Variants in EPHA5 observed in about 807,000 individuals in gnomAD.
EPHA5 encodes ephrin type-A receptor 5.
A neutral mutation model predicts 105.0 loss-of-function variants in EPHA5; 60 were observed. The observed-to-expected ratio is 0.57, with a 90% CI of 0.46 to 0.71. The LOEUF (loss-of-function observed/expected upper bound fraction) is 0.71, where lower values mean the gene tolerates loss of function less well. Ranked by LOEUF, EPHA5 falls within the 30% of genes least tolerant of loss-of-function variation. The pLI, the probability that EPHA5 is intolerant of heterozygous loss-of-function variation, is 0.00. For missense variants in EPHA5, 1,218 were observed against 1,274.7 expected (o/e 0.96, Z 0.68); for synonymous variants, 513 against 449.1 (o/e 1.14, Z -1.80).
Position 65,324,210 on chromosome 4 carries a change from T to C in EPHA5, c.2955A>G (p.Arg985=), listed in dbSNP as rs143311758. 5.0e-5 allele frequency: 81 copies of C among 1,607,942 alleles called. No homozygotes were observed. Among genetic ancestry groups the C allele is most frequent in the Non-Finnish European group, 6.2e-5 (73 of 1,175,974 alleles). Residue 985 remains arginine (R), a synonymous_variant, in exon 17 of 17, where the codon AGA becomes AGG. Transcript: ENST00000613740. The part of the protein sequence containing the change: ...AVAQVTLEDL[R]RLGVTLVGHQ... ...GACCGACAAGAGTCACTCCAAGCCGTCTCAAATCCCTGCATGAAGAAAGCA... is the reference window on the plus strand; with the variant it reads ...GACCGACAAGAGTCACTCCAAGCCGCCTCAAATCCCTGCATGAAGAAAGCA...
chr4:65,625,020 A>G (rs1050244915), intron 2 of EPHA5, among the ~76,000 whole-genome samples: 1 of 152,226 alleles, frequency 6.6e-6, no homozygotes, highest in Non-Finnish European at 1.5e-5. Context: ...TCATTGGCAT[A>G]GATAAAATGA....
Position 65,351,416 on chromosome 4 carries a change from A to T in EPHA5, c.2418T>A (p.Asp806Glu), listed in dbSNP as rs1310465912. The change falls in exon 13 of 17, where the codon GAT (aspartate) becomes GAA (glutamate). Residue 806 changes from aspartate (D) to glutamate (E), a missense_variant. Physicochemically the swap from Asp to Glu is conservative, Grantham distance 45 (BLOSUM62 2). Around this residue, in one of 3 missense-constraint regions of EPHA5, gnomAD observed 971 missense variants for 1,013.5 expected, o/e 0.96. Transcript: ENST00000613740. The part of the protein sequence containing the change: ...SDFGLSRVLE[D>E]DPEAAYTTRG... ...TTGTGGTGTAGGCTGCCTCGGGATC[A>T]TCTTCCAGTACCCGGGAAAGTCCAA... 2.5e-6 allele frequency: 4 copies of T among 1,613,748 alleles called. No individual in the cohort carries two copies. The highest frequency in any genetic ancestry group is 3.4e-6 in the Non-Finnish European group (4 of 1,179,790).
chr4:65,401,048 ATGTG>A lies in EPHA5; in HGVS notation c.1793+3322_1793+3325del, dbSNP rs891024558. ...GGTAGTCATGTGTGTGTGTGTGTGC[ATGTG>A]TGTGTGTGTGAGAGAGAGAGAAAGA... On this transcript the variant is annotated intron_variant, in intron 8 of 16. Transcript: ENST00000613740. 1.3e-3 allele frequency among the ~76,000 whole-genome samples: 197 copies of A among 150,634 alleles called. 1 individual carries two copies. Among genetic ancestry groups the A allele is most frequent in the Middle Eastern group, 0.01 (3 of 292 alleles).
At chr4:65,502,662 G>A (rs1421572571) in intron 3 of EPHA5, among the ~76,000 whole-genome samples, 1 of 151,752 alleles carries the variant, frequency 6.6e-6, no homozygotes, top group Non-Finnish European at 1.5e-5. Context: ...AATGTAATTA[G>A]TTCATCACTA....
chr4:65,436,086 C>G (rs2149074720), intron 5 of EPHA5, among the ~76,000 whole-genome samples: 1 of 151,930 alleles, frequency 6.6e-6, no homozygotes, highest in East Asian at 1.9e-4. Context: ...ATATCAAGTT[C>G]TTTTCTGTGA....
intron 3 of EPHA5, among the ~76,000 whole-genome samples, chr4:65,569,774 A>G (rs772771493): frequency 2.0e-4 from 30 of 151,720 alleles, no homozygotes; most frequent in Non-Finnish European, 3.8e-4. Context: ...TTTCACCTCA[A>G]AATGAAGTAT....
At chr4:65,507,161 A>G (rs1733119522) in intron 3 of EPHA5, among the ~76,000 whole-genome samples, 1 of 152,100 alleles carries the variant, frequency 6.6e-6, no homozygotes, top group Non-Finnish European at 1.5e-5. Flanking sequence ...AGGTTTGTCA[A>G]AGGTCAGATA....
intron 3 of EPHA5, among the ~76,000 whole-genome samples, chr4:65,527,380 T>G (rs1578340152): frequency 6.6e-6 from 1 of 152,036 alleles, no homozygotes; most frequent in African/African-American, 2.4e-5. Flanking sequence ...TCCATAAAGT[T>G]TGAAACCAAC....
At chr4:65,543,069 T>C (rs944441500) in intron 3 of EPHA5, among the ~76,000 whole-genome samples, 1 of 151,924 alleles carries the variant, frequency 6.6e-6, no homozygotes, top group African/African-American at 2.4e-5. Flanking sequence ...ATGGAACATA[T>C]CTCAAAATAA....
In EPHA5 at chr4:65,670,219, A is replaced by C; in HGVS notation, c.-477T>G. On this transcript the variant is annotated 5_prime_UTR_variant, in exon 1 of 17. Coordinates refer to ENST00000613740, the MANE Select transcript of EPHA5 (RefSeq NM_001281766.3). ...AAAAGCAGGGTGGCTAAGGATAAAG[A>C]AAGAGGACTTGAGAAAATGTGGAGA... is the stretch of plus-strand genomic sequence containing the variant. The C allele has an allele frequency of 4.2e-6, 1 of 236,920 alleles. No individual in the cohort carries two copies. The highest frequency in any genetic ancestry group is 8.3e-6 in the Non-Finnish European group (1 of 120,738). 14.7% of individuals were successfully genotyped at this position (236,920 alleles called of 1,614,324 possible).
chr4:65,519,011 A>G (rs553155385), intron 3 of EPHA5, among the ~76,000 whole-genome samples: 2 of 152,128 alleles, frequency 1.3e-5, no homozygotes, highest in South Asian at 4.1e-4. Context: ...AGACACAACC[A>G]AAAAAGAGAA....
chr4:65,368,079 G>T (rs1206241345), intron 8 of EPHA5, among the ~76,000 whole-genome samples: 3 of 151,984 alleles, frequency 2.0e-5, no homozygotes, highest in African/African-American at 7.2e-5. Flanking sequence ...ATTCACAAAT[G>T]ACATCTTAAC....
intron 2 of EPHA5, among the ~76,000 whole-genome samples, chr4:65,602,524 T>G (rs1371819871): frequency 6.6e-6 from 1 of 152,178 alleles, no homozygotes; most frequent in Non-Finnish European, 1.5e-5. Context: ...AAATTATTAT[T>G]CTTCATCTCC....
chr4:65,484,089 A>G (rs1183738277), intron 5 of EPHA5, among the ~76,000 whole-genome samples: 2 of 152,196 alleles, frequency 1.3e-5, no homozygotes, highest in African/African-American at 4.8e-5. Context: ...AAGAGAATCA[A>G]CAAAGACCCT....
At chr4:65,324,515 TAA>T (rs1294480038) in intron 16 of EPHA5, among the ~76,000 whole-genome samples, 1 of 151,158 alleles carries the variant, frequency 6.6e-6, no homozygotes, top group Non-Finnish European at 1.5e-5. Flanking sequence ...TTATTACCAA[TAA>T]AGAGTTAACA....
At chr4:65,505,182 A>G (rs1355200114) in intron 3 of EPHA5, among the ~76,000 whole-genome samples, 1 of 152,064 alleles carries the variant, frequency 6.6e-6, no homozygotes, top group African/African-American at 2.4e-5. Context: ...AGAACACACT[A>G]AAAGACTAGG....
intron 6 of EPHA5, among the ~76,000 whole-genome samples, chr4:65,419,088 T>C (rs946684559): frequency 6.6e-6 from 1 of 151,792 alleles, no homozygotes; most frequent in Non-Finnish European, 1.5e-5. Flanking sequence ...TTTCACTACG[T>C]TGGGCAGGCT....
At chr4:65,517,553 C>T (rs1385451487) in intron 3 of EPHA5, among the ~76,000 whole-genome samples, 1 of 151,654 alleles carries the variant, frequency 6.6e-6, no homozygotes, top group Non-Finnish European at 1.5e-5. Context: ...TTTAAATTTA[C>T]TATTATATTG....
At chr4:65,378,300 C>A (rs1352755276) in intron 8 of EPHA5, among the ~76,000 whole-genome samples, 2 of 151,740 alleles carry the variant, frequency 1.3e-5, no homozygotes, top group African/African-American at 4.8e-5. Context: ...AAAGAATATG[C>A]CAAATCATTA....
Sources: gnomAD v4.1 joint callset for allele counts (sites outside exome capture counted in the v4.1 genomes callset) on GRCh38, gnomAD v4.1.1 for gene constraint, gnomAD v4.1.1 regional missense constraint, MANE v1.5 for transcripts, NCBI Gene and HGNC (gene_info 2026-07-23, HGNC 2026-07-21) for gene names.